Variants in MNAT1 observed in about 807,000 individuals in gnomAD.
MNAT1 encodes the protein MNAT1 component of CDK activating kinase, also known as CDK-activating kinase assembly factor MAT1.
A neutral mutation model predicts 42.0 loss-of-function variants in MNAT1; 43 were observed. The ratio of observed to expected loss-of-function variants is 1.02; its 90% CI spans 0.80 to 1.32. The LOEUF is 1.32. Ranked by LOEUF, MNAT1 falls within the 40% of genes most tolerant of loss-of-function variation. The pLI is 0.00. For missense variants in MNAT1, 306 were observed against 350.4 expected, an observed-to-expected ratio of 0.87 and a Z score of 1.01; for synonymous variants, 118 against 120.0, an observed-to-expected ratio of 0.98 and a Z score of 0.11.
At chr14:60,791,768 A>C (rs1468061730) in intron 1 of MNAT1, among the ~76,000 whole-genome samples, 4 of 152,096 alleles carry the variant, frequency 2.6e-5, no homozygotes, top group Admixed American at 6.6e-5. Flanking sequence ...TGAGGTCATA[A>C]GTTTTTTAAA....
chr14:60,743,299 T>C (rs1184030278), intron 1 of MNAT1, among the ~76,000 whole-genome samples: 2 of 152,116 alleles, frequency 1.3e-5, no homozygotes, highest in Non-Finnish European at 2.9e-5. Flanking sequence ...GCATTTCTTT[T>C]TTTTTTTGAG....
Position 60,800,927 on chromosome 14 carries a change from G to A in MNAT1, c.316+2767G>A, listed in dbSNP as rs2032183219. Reference sequence around the variant, plus strand: ...AACTGCTTTATGGATGGGGATATGTGGTATTTGCCCTCAATAAGCTCAGAC... The same window carrying A: ...AACTGCTTTATGGATGGGGATATGTAGTATTTGCCCTCAATAAGCTCAGAC... On this transcript the variant is annotated intron_variant, in intron 3 of 7. Coordinates refer to ENST00000261245, the MANE Select transcript of MNAT1 (RefSeq NM_002431.4). Among the ~76,000 whole-genome samples, 2 of 152,032 alleles carry A rather than the reference G, an allele frequency of 1.3e-5. 1 individual carries two copies. The highest frequency in any genetic ancestry group is 4.1e-4 in the South Asian group (2 of 4,828).
chr14:60,773,893 A>G (rs2031155256), intron 1 of MNAT1, among the ~76,000 whole-genome samples: 1 of 152,228 alleles, frequency 6.6e-6, no homozygotes, highest in African/African-American at 2.4e-5. Context: ...CTCAAGAGGT[A>G]GAAGCAAAAC....
At chr14:60,820,750 T>C (rs1238604048) in intron 6 of MNAT1, among the ~76,000 whole-genome samples, 3 of 152,176 alleles carry the variant, frequency 2.0e-5, no homozygotes, top group African/African-American at 7.2e-5. Flanking sequence ...ATCTAGTCTA[T>C]AAGCCTTTGG....
In MNAT1 at chr14:60,905,476, T is replaced by C. The variant is rs138970302; in HGVS notation, c.809+25641T>C. 6.1e-3 allele frequency among the ~76,000 whole-genome samples: 930 copies of C among 152,306 alleles called. 8 individuals carry two copies. Among genetic ancestry groups the C allele is most frequent in the Non-Finnish European group, 7.8e-3 (528 of 68,022 alleles). On this transcript the variant is annotated intron_variant, in intron 7 of 7. Transcript: ENST00000261245. ...CATAAGAGGATGTTCATGTTTGGAA[T>C]TGGCTCACATGATTATAGAGGCTGA...
At chr14:60,825,534 C>T (rs1396729242) in intron 6 of MNAT1, among the ~76,000 whole-genome samples, 2 of 152,136 alleles carry the variant, frequency 1.3e-5, no homozygotes, top group African/African-American at 2.4e-5. Context: ...ACAGACATTA[C>T]TTAAGAATTT....
chr14:60,799,350 A>G, intron 3 of MNAT1: 1 of 985,406 alleles, frequency 1.0e-6, no homozygotes, highest in Non-Finnish European at 1.2e-6. Flanking sequence ...GACTGAGAAG[A>G]AAAACCAGAA....
rs1336981892 is a variant in MNAT1, at chr14:60,869,042, T to TATATATATATATATATA, written c.688-10672_688-10671insATATATATATATATATA. On this transcript the variant is annotated intron_variant, in intron 6 of 7. Coordinates refer to ENST00000261245, the MANE Select transcript of MNAT1 (RefSeq NM_002431.4). ...TTTATACATATATATATATATATAT[T>TATATATATATATATATA]TTTTTTTTTTTTTTTGAGACGGAGT... 1.9e-4 allele frequency among the ~76,000 whole-genome samples: 15 copies of TATATATATATATATATA among 79,096 alleles called. No homozygotes were observed. The South Asian group carries it at 2.0e-3, about 11-fold the overall frequency. The allele number at this position is 79,096 out of a possible 152,430, so 51.9% of individuals were successfully genotyped here.
chr14:60,889,446 T>C (rs1202216537), intron 7 of MNAT1, among the ~76,000 whole-genome samples: 2 of 152,080 alleles, frequency 1.3e-5, no homozygotes, highest in East Asian at 1.9e-4. Flanking sequence ...ATACAAAAAT[T>C]AATTCAAGAT....
intron 6 of MNAT1, among the ~76,000 whole-genome samples, chr14:60,842,823 A>G (rs1385063336): frequency 6.6e-6 from 1 of 152,212 alleles, no homozygotes; most frequent in African/African-American, 2.4e-5. Flanking sequence ...GAACATCATA[A>G]TTTAGTATAG....
chr14:60,861,142 G>T (rs1170418282), intron 6 of MNAT1, among the ~76,000 whole-genome samples: 1 of 151,992 alleles, frequency 6.6e-6, no homozygotes, highest in Non-Finnish European at 1.5e-5. Flanking sequence ...AATATAGTTG[G>T]TTAGTAATTT....
chr14:60,885,204 T>C (rs1239668804), intron 7 of MNAT1, among the ~76,000 whole-genome samples: 9 of 151,876 alleles, frequency 5.9e-5, no homozygotes, highest in Admixed American at 5.3e-4. Flanking sequence ...CTTCTTGTAC[T>C]TGAATAGTTG....
Position 60,789,398 on chromosome 14 carries a change from G to T in MNAT1, c.90-6819G>T, listed in dbSNP as rs75575169. On this transcript the variant is annotated intron_variant, in intron 1 of 7. Coordinates refer to ENST00000261245, the MANE Select transcript of MNAT1 (RefSeq NM_002431.4). Reference sequence around the variant, plus strand: ...GAAATATTGTGAGAATTACCAAAATGTGAAACAGAGACGTGAAGTAAGCAT... The same window carrying T: ...GAAATATTGTGAGAATTACCAAAATTTGAAACAGAGACGTGAAGTAAGCAT... Among the ~76,000 whole-genome samples the T allele has an allele frequency of 9.5e-3, 1,449 of 152,278 alleles. 22 individuals are homozygous for T. The highest frequency in any genetic ancestry group is 0.033 in the African/African-American group (1,384 of 41,568).
chr14:60,963,390 T>G (rs2036630883), intron 7 of MNAT1, among the ~76,000 whole-genome samples: 1 of 152,170 alleles, frequency 6.6e-6, no homozygotes, highest in African/African-American at 2.4e-5. Context: ...CTATAAACAG[T>G]TTGTCTATTA....
intron 1 of MNAT1, among the ~76,000 whole-genome samples, chr14:60,762,748 A>G (rs1335375625): frequency 6.8e-6 from 1 of 146,610 alleles, no homozygotes; most frequent in Non-Finnish European, 1.5e-5. Context: ...TAAAATGATT[A>G]TGATATTCTT....
At chr14:60,787,739 A>G (rs1231571277) in intron 1 of MNAT1, among the ~76,000 whole-genome samples, 4 of 152,164 alleles carry the variant, frequency 2.6e-5, no homozygotes, top group African/African-American at 4.8e-5. Context: ...AGTAGATTCC[A>G]TATCAAGAAT....
intron 6 of MNAT1, among the ~76,000 whole-genome samples, chr14:60,849,480 C>T (rs556046456): frequency 7.2e-5 from 11 of 152,118 alleles, no homozygotes; most frequent in African/African-American, 1.4e-4. Flanking sequence ...TTTTAGTATA[C>T]GCCTAAAGTC....
At chr14:60,744,363 C>T (rs985576189) in intron 1 of MNAT1, among the ~76,000 whole-genome samples, 1 of 151,950 alleles carries the variant, frequency 6.6e-6, no homozygotes, top group African/African-American at 2.4e-5. Flanking sequence ...AGCTCTTGAC[C>T]TCAAGTGATC....
chr14:60,889,426 C>T (rs2034775905), intron 7 of MNAT1, among the ~76,000 whole-genome samples: 2 of 152,090 alleles, frequency 1.3e-5, no homozygotes. Context: ...GGATCCCTTC[C>T]TTACACCTTA....
Sources: allele counts gnomAD v4.1 joint callset (sites outside exome capture counted in the v4.1 genomes callset), GRCh38; gene constraint gnomAD v4.1.1; transcripts MANE v1.5; gene names NCBI Gene and HGNC (gene_info 2026-07-23, HGNC 2026-07-21).